TIAM2: variants seen among roughly 807,000 people sequenced by gnomAD.
TIAM2 encodes TIAM Rac1 associated GEF 2.
In TIAM2, 80 loss-of-function variants were observed where a neutral mutation model predicts 152.9. The observed-to-expected ratio is 0.52, with a 90% CI of 0.44 to 0.63. TIAM2 has a LOEUF of 0.63. Ranked by LOEUF, TIAM2 falls within the 30% of genes least tolerant of loss-of-function variation. TIAM2 has a pLI of 0.00. For missense variants in TIAM2, 1,965 were observed against 2,120.1 expected (o/e 0.93, Z 1.44); for synonymous variants, 804 against 838.0 (o/e 0.96, Z 0.70).
chr6:155,126,731 C>CAAATAAATAAAT (rs59895840), intron 2 of TIAM2, among the ~76,000 whole-genome samples: 22 of 150,564 alleles, frequency 1.5e-4, no homozygotes, highest in East Asian at 3.9e-4. Flanking sequence ...AACTCTGTCT[C>CAAATAAATAAAT]AAATAAATAA....
intron 1 of TIAM2, among the ~76,000 whole-genome samples, chr6:155,043,971 A>G (rs1180417068): frequency 6.6e-6 from 1 of 152,190 alleles, no homozygotes; most frequent in African/African-American, 2.4e-5. Flanking sequence ...GGGCCATGGC[A>G]TAGTTTTGAA....
rs1440223175 is a variant in TIAM2, at chr6:155,256,849, G to C, written c.4834G>C (p.Gly1612Arg). ...DVHPEAEQQP[G>R]PESGEGQKGG... is the part of the protein sequence containing the mutation. ...TCACCCCGAGGCTGAGCAGCAGCCT[G>C]GCCCGGAGTCGGGTGAGGGTCAGAA... Residue 1612 changes from glycine to arginine, a missense_variant, in exon 27 of 27, where the codon GGC (glycine) becomes CGC (arginine). Coordinates refer to ENST00000682666, the MANE Select transcript of TIAM2 (RefSeq NM_012454.4). 1.2e-6 allele frequency: 2 copies of C among 1,614,212 alleles called. No homozygotes were observed. Among genetic ancestry groups the C allele is most frequent in the Non-Finnish European group, 1.7e-6 (2 of 1,180,040 alleles).
In TIAM2 at chr6:155,254,852, G is replaced by GT. The variant is rs141654704; in HGVS notation, c.4468+283dup. ...AGATGTGCATGGGTCCAGGGACTTTGTTTTCCTCACTGCTGTATTCCCAGT... is the reference window on the plus strand; with the variant it reads ...AGATGTGCATGGGTCCAGGGACTTTGTTTTTCCTCACTGCTGTATTCCCAGT... On this transcript the variant is annotated intron_variant, in intron 26 of 26. Transcript: ENST00000682666. 253 of 340,572 alleles carry GT rather than the reference G, an allele frequency of 7.4e-4. No individual in the cohort carries two copies. The East Asian group carries it at 7.8e-3, about 11-fold the overall frequency. 21.1% of individuals were successfully genotyped at this position (340,572 alleles called of 1,614,324 possible).
In TIAM2 at chr6:155,203,048, C is replaced by CAAAAAAAAAAAAAAA. The variant is rs59836931; in HGVS notation, c.3065-8148_3065-8134dup. Among the ~76,000 whole-genome samples, 215 of 78,846 alleles carry CAAAAAAAAAAAAAAA rather than the reference C, an allele frequency of 2.7e-3. 9 individuals carry two copies. Among genetic ancestry groups the CAAAAAAAAAAAAAAA allele is most frequent in the African/African-American group, 0.013 (189 of 14,808 alleles). The allele number at this position is 78,846 out of a possible 152,430, so 51.7% of individuals were successfully genotyped here. A position where few individuals can be genotyped will look rare whatever the true frequency, so the allele number is the denominator to read the frequency against. On this transcript the variant is annotated intron_variant, in intron 14 of 26. Transcript: ENST00000682666. ...TGGGTGACAGAGCAAAACTCTGTCTCAAAAAAAAAAAAAAAAAAAAAAGAG... is the reference window on the plus strand; with the variant it reads ...TGGGTGACAGAGCAAAACTCTGTCTCAAAAAAAAAAAAAAAAAAAAAAAAAAAAAAAAAAAAAGAG...
intron 2 of TIAM2, among the ~76,000 whole-genome samples, chr6:155,097,998 C>T (rs910483254): frequency 6.6e-6 from 1 of 152,120 alleles, no homozygotes; most frequent in Non-Finnish European, 1.5e-5. Flanking sequence ...ATTCTCTGTT[C>T]TGTTCTACTG....
chr6:155,042,759 A>AT (rs1387949171), intron 1 of TIAM2, among the ~76,000 whole-genome samples: 1 of 150,798 alleles, frequency 6.6e-6, no homozygotes, highest in Non-Finnish European at 1.5e-5. Flanking sequence ...TCAAATACTT[A>AT]TTTTTTGCGG....
chr6:155,248,183 AGGC>A lies in TIAM2; in HGVS notation c.3832+14_3832+16del, dbSNP rs757045328. The A allele has an allele frequency of 6.2e-7, 1 of 1,611,918 alleles. No individual in the cohort carries two copies. Among genetic ancestry groups the A allele is most frequent in the Admixed American group, 1.7e-5 (1 of 59,958 alleles). On this transcript the variant is annotated splice_donor_5th_base_variant and intron_variant, in intron 20 of 26. Coordinates refer to ENST00000682666, the MANE Select transcript of TIAM2 (RefSeq NM_012454.4). The stretch of plus-strand genomic sequence containing the variant: ...GAGGAGCACTACCACCTGACGGGTG[AGGC>A]GGCGGCGGCACCTCCGGGCGAGGGC...
intron 1 of TIAM2, among the ~76,000 whole-genome samples, chr6:155,071,075 A>AG (rs1432573848): frequency 1.3e-5 from 2 of 151,908 alleles, no homozygotes; most frequent in African/African-American, 4.8e-5. Flanking sequence ...TGGGAGGCTG[A>AG]GGGGGGAGGA....
intron 15 of TIAM2, 37 bp downstream of exon 15, chr6:155,211,344 G>C (rs1781711636): frequency 6.3e-7 from 1 of 1,580,784 alleles, no homozygotes; most frequent in African/African-American, 1.3e-5. Context: ...CAAGAACCAG[G>C]CAGGCGAGTG....
chr6:155,179,344 G>T (rs372425521), intron 11 of TIAM2, 34 bp from the exon 12 acceptor site: 3 of 1,601,822 alleles, frequency 1.9e-6, no homozygotes, highest in Non-Finnish European at 2.6e-6. Context: ...CATAACATGA[G>T]ATCCTCTGAT....
intron 7 of TIAM2, among the ~76,000 whole-genome samples, chr6:155,157,635 T>C (rs1044684577): frequency 1.3e-5 from 2 of 152,136 alleles, no homozygotes; most frequent in African/African-American, 4.8e-5. Flanking sequence ...ATAAGTACCG[T>C]GCACTAACTG....
chr6:155,035,187 T>C (rs1239710714), intron 1 of TIAM2, among the ~76,000 whole-genome samples: 1 of 111,706 alleles, frequency 9.0e-6, no homozygotes, highest in African/African-American at 2.7e-5. Context: ...AGTTTTGTTT[T>C]GCTGTTTTTT....
At chr6:155,185,364 C>G (rs987460712) in intron 14 of TIAM2, among the ~76,000 whole-genome samples, 3 of 151,868 alleles carry the variant, frequency 2.0e-5, no homozygotes, top group African/African-American at 7.2e-5. Flanking sequence ...TGACCTCAAG[C>G]GATCCACCCT....
rs544919858 is a variant in TIAM2, at chr6:155,057,355, T to A, written c.-208-32934T>A. 9.2e-5 allele frequency among the ~76,000 whole-genome samples: 14 copies of A among 151,830 alleles called. No homozygotes were observed. The South Asian group carries it at 2.9e-3, about 32-fold the overall frequency. On this transcript the variant is annotated intron_variant, in intron 1 of 26. Transcript: ENST00000682666. ...CAGCTGGCCACCTCAATTTTCTGAT[T>A]GAACTGGGCTAATATGTTTTTGAGA...
Position 155,047,695 on chromosome 6 carries a change from GAGAGAGAGAGC to G in TIAM2, c.-208-42593_-208-42583del, listed in dbSNP as rs1562300139. 5.6e-4 allele frequency among the ~76,000 whole-genome samples: 43 copies of G among 76,164 alleles called. 1 individual carries two copies. Among genetic ancestry groups the G allele is most frequent in the East Asian group, 1.1e-3 (1 of 884 alleles). 50.0% of individuals were successfully genotyped at this position (76,164 alleles called of 152,430 possible). On this transcript the variant is annotated intron_variant, in intron 1 of 26. Coordinates refer to ENST00000682666, the MANE Select transcript of TIAM2 (RefSeq NM_012454.4). Reference sequence around the variant, plus strand: ...GAGAGAGAGAGAGAGAGAGGAGAGAGAGAGAGAGAGCGAGAGAGAGAGAGAGAGAGCGAGAG... The same window carrying G: ...GAGAGAGAGAGAGAGAGAGGAGAGAGGAGAGAGAGAGAGAGAGAGCGAGAG...
chr6:155,121,131 A>G (rs147149192), intron 2 of TIAM2, among the ~76,000 whole-genome samples: 1 of 152,048 alleles, frequency 6.6e-6, no homozygotes, highest in African/African-American at 2.4e-5. Context: ...TTAATAATAG[A>G]TAATGAAAGA....
chr6:155,153,621 CT>C (rs35672714), intron 7 of TIAM2, among the ~76,000 whole-genome samples: 1,062 of 105,272 alleles, frequency 0.01, 7 homozygotes, highest in African/African-American at 0.035. Flanking sequence ...GCTGTTTACG[CT>C]TTTTTTTTTT....
At chr6:155,036,461 G>T (rs1776922705) in intron 1 of TIAM2, among the ~76,000 whole-genome samples, 1 of 149,662 alleles carries the variant, frequency 6.7e-6, no homozygotes, top group South Asian at 2.1e-4. Flanking sequence ...TTGAACCCGG[G>T]AGGTGGAGGT....
chr6:155,231,311 T>C (rs1782463364), intron 15 of TIAM2, among the ~76,000 whole-genome samples: 1 of 152,212 alleles, frequency 6.6e-6, no homozygotes, highest in Admixed American at 6.5e-5. Context: ...AAATAGAACC[T>C]TTGGAAATGG....
Sources: gnomAD v4.1 joint callset for allele counts (sites outside exome capture counted in the v4.1 genomes callset) on GRCh38, gnomAD v4.1.1 for gene constraint, MANE v1.5 for transcripts, NCBI Gene and HGNC (gene_info 2026-07-23, HGNC 2026-07-21) for gene names.